MIA3: variants seen among roughly 807,000 people sequenced by gnomAD.
The protein encoded by MIA3 is transport and Golgi organization protein 1 homolog.
A neutral mutation model predicts 192.4 loss-of-function variants in MIA3; 90 were observed. That is an observed-to-expected ratio of 0.47 (90% CI 0.39 to 0.56). The LOEUF is 0.56. Ranked by LOEUF, MIA3 falls within the 20% of genes least tolerant of loss-of-function variation. The pLI is 0.00. For missense variants in MIA3, 2,123 were observed against 2,269.4 expected (o/e 0.94, Z 1.31); for synonymous variants, 740 against 792.8 (o/e 0.93, Z 1.12).
intron 17 of MIA3, 80 bp downstream of exon 17, chr1:222,654,559 G>C: frequency 1.3e-6 from 2 of 1,553,090 alleles, no homozygotes; most frequent in Non-Finnish European, 1.8e-6. Context: ...GCGGCTTCCT[G>C]CTTTCATACT....
At position 222,666,378 on chromosome 1, in the gene MIA3, T is replaced by G. The variant is rs1295419500; in HGVS notation, c.*759T>G. 1.3e-5 allele frequency: 2 copies of G among 152,186 alleles called. No individual in the cohort carries two copies. The highest frequency in any genetic ancestry group is 2.9e-5 in the Non-Finnish European group (2 of 68,034). 9.4% of individuals were successfully genotyped at this position (152,186 alleles called of 1,614,324 possible). On this transcript the variant is annotated 3_prime_UTR_variant, in exon 28 of 28. Coordinates refer to ENST00000344922, the MANE Select transcript of MIA3 (RefSeq NM_198551.4). ...TCCTCATTGTCTATTTGAGAATGGT[T>G]TTCTGAGAGTGAGTTTACATTAGTA...
At chr1:222,632,973 C>T (rs2124856547) in intron 5 of MIA3, 131 bp from the exon 6 acceptor site, 1 of 911,208 alleles carries the variant, frequency 1.1e-6, no homozygotes, top group South Asian at 1.6e-5. Context: ...GCACAGTAAA[C>T]ATCCAGTGAG....
intron 7 of MIA3, among the ~76,000 whole-genome samples, 177 bp from the exon 8 acceptor site, chr1:222,648,652 T>C (rs1663269622): frequency 6.6e-6 from 1 of 152,202 alleles, no homozygotes; most frequent in Non-Finnish European, 1.5e-5. Context: ...TCACTACTGG[T>C]TAAATTTGAA....
In MIA3 at chr1:222,632,308, G is replaced by C. The variant is rs749664370; in HGVS notation, c.3313G>C (p.Glu1105Gln). 4 of 1,613,680 alleles carry C rather than the reference G, an allele frequency of 2.5e-6. No homozygotes were observed. Among genetic ancestry groups the C allele is most frequent in the Non-Finnish European group, 3.4e-6 (4 of 1,179,852 alleles). Residue 1105 changes from glutamate (E) to glutamine (Q), a missense_variant, in exon 5 of 28, where the codon GAG becomes CAG. Physicochemically the swap from Glu to Gln is conservative, Grantham distance 29. This residue lies in a region of MIA3 where 1,357 missense variants were observed against 1,396.1 expected (regional missense o/e 0.97). Coordinates refer to ENST00000344922, the MANE Select transcript of MIA3 (RefSeq NM_198551.4). ...ASEVSQKPNT[E>Q]KDLDPGPVTT... ...AGAAGTGTCACAGAAGCCAAATACT[G>C]AGAAAGACCTGGACCCAGGTAAAGC...
At chr1:222,632,042 T>G (rs1224164206) in intron 4 of MIA3, 123 bp from the exon 5 acceptor site, 1 of 715,304 alleles carries the variant, frequency 1.4e-6, no homozygotes, top group Non-Finnish European at 2.3e-6. Context: ...CCTGCCCAGT[T>G]GTGCTCCATG....
In MIA3 at chr1:222,624,794, A is replaced by C. The variant is rs1425652168; in HGVS notation, c.294A>C (p.Pro98=). The C allele has an allele frequency of 6.3e-7, 1 of 1,595,808 alleles. No homozygotes were observed. The highest frequency in any genetic ancestry group is 2.2e-5 in the East Asian group (1 of 44,654). Residue 98 remains proline, a synonymous_variant, in exon 3 of 28, where the codon CCA becomes CCC. Coordinates refer to ENST00000344922, the MANE Select transcript of MIA3 (RefSeq NM_198551.4). ...TTGGACGCACTTTTGGATATTTTCC[A>C]AAAGATTTAATCCAGGTAGTTCATG... ...GSVGRTFGYF[P]KDLIQVVHEY... is the part of the protein sequence containing the mutation.
chr1:222,657,067 A>G (rs886872574), intron 18 of MIA3, among the ~76,000 whole-genome samples: 4 of 152,158 alleles, frequency 2.6e-5, no homozygotes, highest in Non-Finnish European at 5.9e-5. Flanking sequence ...GTTGGTTTTG[A>G]TGGAGTGGTG....
At position 222,628,109 on chromosome 1, in the gene MIA3, A is replaced by G; in HGVS notation, c.889A>G (p.Thr297Ala). Residue 297 changes from threonine to alanine, a missense_variant, in exon 4 of 28, where the codon ACT (threonine) becomes GCT (alanine). This residue lies in a region of MIA3 where 1,357 missense variants were observed against 1,396.1 expected (regional missense o/e 0.97). Coordinates refer to ENST00000344922, the MANE Select transcript of MIA3 (RefSeq NM_198551.4). ...VSDDETTRLV[T>A]SLEDDFDEEL... ...TGATGATGAGACAACCAGACTCGTT[A>G]CTTCATTAGAAGATGATTTTGATGA... is the stretch of plus-strand genomic sequence containing the variant. The G allele has an allele frequency of 6.2e-7, 1 of 1,613,980 alleles. No homozygotes were observed. The highest frequency in any genetic ancestry group is 8.5e-7 in the Non-Finnish European group (1 of 1,180,030).
At chr1:222,624,733 T>G in intron 2 of MIA3, 35 bp from the exon 3 acceptor site, 1 of 949,264 alleles carries the variant, frequency 1.1e-6, no homozygotes. Flanking sequence ...AGAATTTGAT[T>G]GATATGTGTC....
Position 222,629,093 on chromosome 1 carries a change from A to G in MIA3, c.1873A>G (p.Lys625Glu), listed in dbSNP as rs547014622. The G allele has an allele frequency of 6.2e-7, 1 of 1,614,256 alleles. No individual in the cohort carries two copies. The highest frequency in any genetic ancestry group is 1.1e-5 in the South Asian group (1 of 91,086). ...REELKEELVL[K>E]TQNQPRFSSP... ...GGAATTGAAAGAGGAATTAGTTCTT[A>G]AAACTCAAAACCAACCTAGATTCTC... The change falls in exon 4 of 28, where the codon AAA (lysine) becomes GAA (glutamate). Residue 625 changes from lysine (K) to glutamate (E), a missense_variant. Physicochemically the swap from Lys to Glu is moderately conservative, Grantham distance 56 (BLOSUM62 1). Transcript: ENST00000344922.
chr1:222,644,711 C>G, intron 6 of MIA3: 1 of 1,053,074 alleles, frequency 9.5e-7, no homozygotes, highest in Non-Finnish European at 1.4e-6. Context: ...CCGAGGAAAG[C>G]AAGACGTTTC....
rs372579977 is a variant in MIA3 at position 222,629,948 on chromosome 1, A to G, written c.2728A>G (p.Thr910Ala). The G allele has an allele frequency of 2.7e-5, 44 of 1,614,016 alleles. No homozygotes were observed. The highest frequency in any genetic ancestry group is 2.7e-4 in the East Asian group (12 of 44,894). ...TGACTCGTTCCACTGGACTCCACAT[A>G]CAAGTGTAGAGCCAGGGCATAGTGA... ...EDDSFHWTPH[T>A]SVEPGHSDKR... Residue 910 changes from threonine to alanine, a missense_variant, in exon 4 of 28, where the codon ACA becomes GCA. Physicochemically the swap from Thr to Ala is moderately conservative, Grantham distance 58. Transcript: ENST00000344922.
intron 19 of MIA3, chr1:222,659,168 G>A (rs1000552384): frequency 4.2e-5 from 19 of 450,282 alleles, no homozygotes; most frequent in Middle Eastern, 1.2e-3. Flanking sequence ...GATGAAAAAA[G>A]GTTTATAGTG....
intron 15 of MIA3, 54 bp from the exon 16 acceptor site, chr1:222,654,189 G>C (rs1663582510): frequency 1.3e-6 from 2 of 1,541,216 alleles, no homozygotes; most frequent in Non-Finnish European, 1.8e-6. Flanking sequence ...AGAAAATATA[G>C]ATTTAAAAAG....
In MIA3 at chr1:222,629,451, A is replaced by G; in HGVS notation, c.2231A>G (p.Glu744Gly). The change falls in exon 4 of 28, where the codon GAA (glutamate) becomes GGA (glycine). Residue 744 changes from glutamate (E) to glycine (G), a missense_variant. Glu to Gly is a moderately conservative substitution (Grantham distance 98). Around this residue, in one of 3 missense-constraint regions of MIA3, gnomAD observed 1,357 missense variants for 1,396.1 expected, o/e 0.97. Coordinates refer to ENST00000344922, the MANE Select transcript of MIA3 (RefSeq NM_198551.4). ...GCTATAAATGCAAAACGGTCTAAAG[A>G]AAAAAACCCTGGGAATCAGGGCAGG... ...ENAINAKRSKEKNPGNQGRQF... is the reference protein window; with the variant it reads ...ENAINAKRSKGKNPGNQGRQF... 1 of 1,614,164 alleles carries G rather than the reference A, an allele frequency of 6.2e-7. No individual in the cohort carries two copies. Among genetic ancestry groups the G allele is most frequent in the Non-Finnish European group, 8.5e-7 (1 of 1,180,038 alleles).
rs1214831261 is a variant in MIA3, at chr1:222,665,747, T to TTGGC, written c.*129_*132dup. The stretch of plus-strand genomic sequence containing the variant: ...GGTTTGTTGTTAGAACTAAGCTGCC[T>TTGGC]TGGCAGTGTGCATTTTTGAGCCAAA... On this transcript the variant is annotated 3_prime_UTR_variant, in exon 28 of 28. Coordinates refer to ENST00000344922, the MANE Select transcript of MIA3 (RefSeq NM_198551.4). 1.1e-4 allele frequency: 82 copies of TTGGC among 733,078 alleles called. No individual in the cohort carries two copies. The East Asian group carries it at 2.5e-3, about 23-fold the overall frequency. The allele number at this position is 733,078 out of a possible 1,614,324, so 45.4% of individuals were successfully genotyped here.
rs1661746758 is a variant in MIA3, at chr1:222,619,189, G to A, written c.133+946G>A. 2.0e-5 allele frequency among the ~76,000 whole-genome samples: 3 copies of A among 152,162 alleles called. No homozygotes were observed. The South Asian group carries it at 6.2e-4, about 32-fold the overall frequency. On this transcript the variant is annotated intron_variant, in intron 1 of 27. Coordinates refer to ENST00000344922, the MANE Select transcript of MIA3 (RefSeq NM_198551.4). ...AGTAAATACTCCAAGGGTCTCATAA[G>A]CCAAGCTTGGTTTAGCCTTAGCCGC...
At chr1:222,636,745 C>T (rs182954440) in intron 6 of MIA3, among the ~76,000 whole-genome samples, 2 of 152,108 alleles carry the variant, frequency 1.3e-5, no homozygotes, top group African/African-American at 2.4e-5. Context: ...AACTCCTGAC[C>T]TCGTGATCCA....
chr1:222,663,184 T>G (rs778664345), intron 26 of MIA3, among the ~76,000 whole-genome samples: 8 of 152,232 alleles, frequency 5.3e-5, no homozygotes, highest in Non-Finnish European at 1.0e-4. Flanking sequence ...TGAATAGAGC[T>G]GTGCCTGTAT....
Sources: allele counts gnomAD v4.1 joint callset (sites outside exome capture counted in the v4.1 genomes callset), GRCh38; gene constraint gnomAD v4.1.1; regional missense constraint gnomAD v4.1.1; transcripts MANE v1.5; gene names NCBI Gene and HGNC (gene_info 2026-07-23, HGNC 2026-07-21).